Variants in GSE1 observed in about 807,000 individuals in gnomAD.
The protein encoded by GSE1 is Gse1 coiled-coil protein.
In GSE1, 32 loss-of-function variants were observed where a neutral mutation model predicts 112.6. The ratio of observed to expected loss-of-function variants is 0.28; its 90% CI spans 0.21 to 0.38. GSE1 has a LOEUF of 0.38. Ranked by LOEUF, GSE1 falls within the 10% of genes least tolerant of loss-of-function variation. The probability of loss-of-function intolerance (pLI) is 1.00; values close to 1 mark genes in which losing one functional copy is unlikely to be tolerated. For missense variants in GSE1, 2,348 were observed against 1,699.2 expected, an observed-to-expected ratio of 1.38 and a Z score of -6.71; for synonymous variants, 1,115 against 735.6, an observed-to-expected ratio of 1.52 and a Z score of -8.35.
intron 1 of GSE1, among the ~76,000 whole-genome samples, chr16:85,577,215 A>G (rs1236379704): frequency 2.0e-5 from 3 of 152,048 alleles, no homozygotes; most frequent in Non-Finnish European, 4.4e-5. Flanking sequence ...GGTTCTCTTC[A>G]TGGTAGGTGG....
chr16:85,403,795 C>T (rs933133466), intron 2 of GSE1, among the ~76,000 whole-genome samples: 1 of 152,086 alleles, frequency 6.6e-6, no homozygotes, highest in Non-Finnish European at 1.5e-5. Context: ...GAGTGAGACC[C>T]TGTCTCAAAA....
intron 2 of GSE1, among the ~76,000 whole-genome samples, chr16:85,384,142 G>T (rs940213348): frequency 4.6e-5 from 7 of 152,102 alleles, no homozygotes; most frequent in African/African-American, 1.7e-4. Flanking sequence ...TTACAGGGGG[G>T]CACAGACTCA....
rs2052411883 is a variant in GSE1 at position 85,661,336 on chromosome 16, G to A, written c.1831G>A (p.Ala611Thr). The A allele has an allele frequency of 6.2e-7, 1 of 1,612,248 alleles. No individual in the cohort carries two copies. Among genetic ancestry groups the A allele is most frequent in the Admixed American group, 1.7e-5 (1 of 59,992 alleles). Residue 611 changes from alanine to threonine, a missense_variant, in exon 9 of 16, where the codon GCA (alanine) becomes ACA (threonine). By Grantham distance (58) the Ala-to-Thr change is moderately conservative. Transcript: ENST00000253458. ...CCACTCTCTGCACAGCCACCCGGCT[G>A]CATTTGAGCCCAGCCGCCAGGCAGC... Reference protein sequence around the residue: ...ESHSLHSHPAAFEPSRQAAVP... With the variant: ...ESHSLHSHPATFEPSRQAAVP...
At chr16:85,552,637 T>C (rs1251108032), upstream of GSE1, among the ~76,000 whole-genome samples, 1 of 152,228 alleles carries the variant, frequency 6.6e-6, no homozygotes, top group Non-Finnish European at 1.5e-5. Flanking sequence ...CAGTCTCAGG[T>C]GGACCTCGAT....
intron 2 of GSE1, among the ~76,000 whole-genome samples, chr16:85,640,680 G>T (rs997545849): frequency 6.6e-6 from 1 of 152,278 alleles, no homozygotes; most frequent in African/African-American, 2.4e-5. Flanking sequence ...GCCGGCCTGG[G>T]CGGGGGAGAG....
chr16:85,507,990 G>A (rs2151925888), intron 2 of GSE1, among the ~76,000 whole-genome samples: 1 of 152,112 alleles, frequency 6.6e-6, no homozygotes, highest in South Asian at 2.1e-4. Context: ...AGCCCCCTGT[G>A]GCCCCCTGCC....
chr16:85,548,130 G>A (rs748812446), intron 2 of GSE1, among the ~76,000 whole-genome samples: 12 of 150,988 alleles, frequency 7.9e-5, no homozygotes, highest in Non-Finnish European at 1.8e-4. Context: ...TCTGGAGGCT[G>A]AGGCAGGAGA....
intron 1 of GSE1, among the ~76,000 whole-genome samples, chr16:85,231,129 G>T (rs529891349): frequency 7.2e-6 from 1 of 139,702 alleles, no homozygotes; most frequent in South Asian, 2.3e-4. Context: ...AGGATGGATG[G>T]AAGGATGGAT....
At chr16:85,634,183 C>A (rs764870639) in intron 2 of GSE1, 51 bp downstream of exon 2, 5 of 1,259,666 alleles carry the variant, frequency 4.0e-6, no homozygotes, top group Non-Finnish European at 5.2e-6. Context: ...CTCCCGAGGC[C>A]GGGACTCAGC....
chr16:85,552,730 G>C (rs1034676692), upstream of GSE1, among the ~76,000 whole-genome samples: 12 of 152,218 alleles, frequency 7.9e-5, no homozygotes, highest in African/African-American at 2.9e-4. Flanking sequence ...TCCACAGGTG[G>C]CTCCCAGGAG....
Position 85,235,584 on chromosome 16 carries a change from G to A in GSE1, c.2283+63777G>A, listed in dbSNP as rs1446838090. 6.1e-5 allele frequency among the ~76,000 whole-genome samples: 9 copies of A among 148,626 alleles called. 1 individual carries two copies. The highest frequency in any genetic ancestry group is 5.3e-4 in the Admixed American group (8 of 15,106). ...ATATGTGTGTGTGTGGGTGGGGGGG[G>A]GGCGCGTGTTCTCGCCCCTCCTCTG... On this transcript the variant is annotated intron_variant, in intron 1 of 2. Transcript: ENST00000637419.
intron 1 of GSE1, among the ~76,000 whole-genome samples, chr16:85,631,974 T>C (rs1445388113): frequency 6.6e-6 from 1 of 152,170 alleles, no homozygotes; most frequent in East Asian, 1.9e-4. Context: ...TGGCTGGCGG[T>C]GCGGAGCAGA....
chr16:85,476,419 C>T (rs1045391541), intron 2 of GSE1, among the ~76,000 whole-genome samples: 2 of 152,194 alleles, frequency 1.3e-5, no homozygotes, highest in African/African-American at 2.4e-5. Flanking sequence ...ATGACAGTCC[C>T]AGATAAGGCA....
chr16:85,174,094 CT>C (rs2074413414), intron 1 of GSE1, among the ~76,000 whole-genome samples: 1 of 152,114 alleles, frequency 6.6e-6, no homozygotes, highest in South Asian at 2.1e-4. Flanking sequence ...TGAGTCAAGC[CT>C]CAGAAAAGAG....
intron 2 of GSE1, among the ~76,000 whole-genome samples, chr16:85,638,189 C>G (rs1015393472): frequency 6.6e-6 from 1 of 152,248 alleles, no homozygotes; most frequent in Non-Finnish European, 1.5e-5. Flanking sequence ...CATTGTGTCT[C>G]AAGGGTGTAG....
At chr16:85,603,389 G>T (rs1177005772) in intron 1 of GSE1, among the ~76,000 whole-genome samples, 3 of 152,240 alleles carry the variant, frequency 2.0e-5, no homozygotes, top group African/African-American at 7.2e-5. Flanking sequence ...CATCCGCACA[G>T]CCCGAAAGGG....
intron 1 of GSE1, among the ~76,000 whole-genome samples, chr16:85,600,587 A>G (rs1214666420): frequency 6.1e-5 from 9 of 146,470 alleles, no homozygotes; most frequent in African/African-American, 2.3e-4. Flanking sequence ...ACACACCCCA[A>G]ACACACACAC....
chr16:85,230,781 T>C (rs913241825), intron 1 of GSE1, among the ~76,000 whole-genome samples: 4 of 152,210 alleles, frequency 2.6e-5, no homozygotes, highest in African/African-American at 9.7e-5. Context: ...GGACAGATGC[T>C]GATTAGATAA....
intron 1 of GSE1, among the ~76,000 whole-genome samples, chr16:85,619,503 G>C (rs1041855227): frequency 6.6e-6 from 1 of 152,250 alleles, no homozygotes; most frequent in African/African-American, 2.4e-5. Context: ...GCAAAGCCCG[G>C]GGGTGCCAAG....
Sources: allele counts gnomAD v4.1 joint callset (sites outside exome capture counted in the v4.1 genomes callset), GRCh38; gene constraint gnomAD v4.1.1; transcripts MANE v1.5; gene names NCBI Gene and HGNC (gene_info 2026-07-23, HGNC 2026-07-21).